SPECC1: variants seen among roughly 807,000 people sequenced by gnomAD.
SPECC1 encodes cytospin-B.
In SPECC1, 62 loss-of-function variants were observed where a neutral mutation model predicts 104.1. The observed-to-expected ratio is 0.60, with a 90% CI of 0.49 to 0.74. The LOEUF is 0.74. Ranked by LOEUF, SPECC1 falls within the 30% of genes least tolerant of loss-of-function variation. SPECC1 has a pLI of 0.00. For synonymous variants in SPECC1, 513 were observed against 501.6 expected, an observed-to-expected ratio of 1.02 and a Z score of -0.30; for missense variants, 1,306 against 1,310.5, an observed-to-expected ratio of 1.00 and a Z score of 0.05.
At chr17:20,202,152 C>A (rs1247491524) in intron 3 of SPECC1, among the ~76,000 whole-genome samples, 1 of 152,172 alleles carries the variant, frequency 6.6e-6, no homozygotes, top group Non-Finnish European at 1.5e-5. Flanking sequence ...ATTATAACTG[C>A]ATACAATTAA....
chr17:20,062,575 G>C (rs1454433681), intron 1 of SPECC1, among the ~76,000 whole-genome samples: 3 of 152,086 alleles, frequency 2.0e-5, no homozygotes, highest in Non-Finnish European at 4.4e-5. Flanking sequence ...ATGATGCCCA[G>C]GCTAGTTTCA....
At chr17:20,061,103 ACT>A (rs972982063) in intron 1 of SPECC1, among the ~76,000 whole-genome samples, 5 of 152,266 alleles carry the variant, frequency 3.3e-5, no homozygotes, top group African/African-American at 1.2e-4. Context: ...ACAGAGTCTC[ACT>A]CTGCCACCCA....
intron 3 of SPECC1, among the ~76,000 whole-genome samples, chr17:20,183,100 G>T (rs2035021128): frequency 6.6e-6 from 1 of 152,270 alleles, no homozygotes; most frequent in African/African-American, 2.4e-5. Context: ...TAGGTATAGG[G>T]TGATGAGCAA....
chr17:20,245,158 C>G lies in SPECC1; in HGVS notation c.2352-768C>G, dbSNP rs923665948. 6.6e-5 allele frequency among the ~76,000 whole-genome samples: 10 copies of G among 152,256 alleles called. No individual in the cohort carries two copies. In the East Asian group the frequency reaches 1.9e-3, roughly 29 times the overall value. ...TGGATTGCACTCTCGTTGGCTTAGG[C>G]AGAAAGGTGTTAAATGGTTTGCAGA... On this transcript the variant is annotated intron_variant, in intron 7 of 14. Transcript: ENST00000395527.
intron 3 of SPECC1, among the ~76,000 whole-genome samples, chr17:20,144,934 C>G (rs1446178345): frequency 2.0e-5 from 3 of 152,174 alleles, no homozygotes; most frequent in African/African-American, 7.2e-5. Context: ...TATCAGTCTT[C>G]TTTCATTTAG....
At chr17:20,161,325 C>T (rs1597849902) in intron 3 of SPECC1, among the ~76,000 whole-genome samples, 1 of 152,162 alleles carries the variant, frequency 6.6e-6, no homozygotes, top group African/African-American at 2.4e-5. Context: ...GGATGTAGTG[C>T]CCCTAAATGT....
At chr17:20,148,242 G>A (rs1294014839) in intron 3 of SPECC1, among the ~76,000 whole-genome samples, 1 of 152,012 alleles carries the variant, frequency 6.6e-6, no homozygotes, top group African/African-American at 2.4e-5. Context: ...AATTTTACTT[G>A]AAATTATTAT....
intron 5 of SPECC1, among the ~76,000 whole-genome samples, chr17:20,231,103 G>A (rs1413780579): frequency 2.0e-5 from 3 of 152,200 alleles, no homozygotes; most frequent in Admixed American, 6.5e-5. Flanking sequence ...AGAATTGGAG[G>A]CAAGGAGAAC....
intron 1 of SPECC1, chr17:20,010,335 A>G (rs2043898008): frequency 6.6e-6 from 1 of 152,160 alleles, no homozygotes; most frequent in East Asian, 1.9e-4. Flanking sequence ...ATCCACCAGC[A>G]ACTGTAGGAG....
At chr17:20,218,765 A>G (rs1277848965) in intron 4 of SPECC1, among the ~76,000 whole-genome samples, 1 of 152,166 alleles carries the variant, frequency 6.6e-6, no homozygotes, top group Non-Finnish European at 1.5e-5. Flanking sequence ...TTTATTAACT[A>G]TATTGTATCC....
rs755238100 is a variant in SPECC1 at position 20,204,704 on chromosome 17, C to T, written c.655C>T (p.Pro219Ser). Residue 219 changes from proline (P) to serine (S), a missense_variant, in exon 4 of 15, where the codon CCA becomes TCA. By Grantham distance (74) the Pro-to-Ser change is moderately conservative. This residue lies in a region of SPECC1 where 1,177 missense variants were observed against 1,139.9 expected (regional missense o/e 1.03). Coordinates refer to ENST00000395527, the MANE Select transcript of SPECC1 (RefSeq NM_001243439.2). ...GPNVDGTSVS[P>S]GDTEPMIRAL... is the part of the protein sequence containing the mutation. ...AAATGTCGATGGAACATCAGTCTCCCCAGGTGACACGGAACCTATGATAAG... is the reference window on the plus strand; with the variant it reads ...AAATGTCGATGGAACATCAGTCTCCTCAGGTGACACGGAACCTATGATAAG... 20 of 1,613,820 alleles carry T rather than the reference C, an allele frequency of 1.2e-5. No individual in the cohort carries two copies. The South Asian group carries it at 1.5e-4, about 12-fold the overall frequency.
intron 2 of SPECC1, among the ~76,000 whole-genome samples, chr17:20,108,908 C>T (rs536533592): frequency 4.6e-5 from 7 of 152,130 alleles, no homozygotes; most frequent in Non-Finnish European, 1.0e-4. Flanking sequence ...TTGTCCTACC[C>T]CTTTCATGAC....
chr17:20,309,514 T>C lies in SPECC1; in HGVS notation c.3117+3432T>C, dbSNP rs538322322. ...TGATCCTGTCACCCAGATAGGCACA[T>C]AGTAGCCGATAGTTTTTCAGCCCTT... On this transcript the variant is annotated intron_variant, in intron 14 of 14. Transcript: ENST00000395527. 3.3e-5 allele frequency among the ~76,000 whole-genome samples: 5 copies of C among 152,262 alleles called. No homozygotes were observed. The South Asian group carries it at 1.0e-3, about 32-fold the overall frequency.
chr17:20,029,782 G>A (rs1401711112), intron 1 of SPECC1, among the ~76,000 whole-genome samples: 9 of 152,082 alleles, frequency 5.9e-5, no homozygotes, highest in Non-Finnish European at 1.3e-4. Flanking sequence ...CTAGTAATTT[G>A]AGTCTTACCT....
intron 3 of SPECC1, among the ~76,000 whole-genome samples, chr17:20,158,787 G>A (rs572067982): frequency 7.9e-5 from 12 of 152,144 alleles, no homozygotes; most frequent in Non-Finnish European, 1.2e-4. Flanking sequence ...TTGAGACAAG[G>A]TCTGACTGTC....
At chr17:20,117,019 C>T (rs1449498231) in intron 3 of SPECC1, among the ~76,000 whole-genome samples, 1 of 151,794 alleles carries the variant, frequency 6.6e-6, no homozygotes, top group Non-Finnish European at 1.5e-5. Context: ...AAAATTCTGA[C>T]AATACTAATC....
chr17:20,169,863 G>T (rs1040045438), intron 3 of SPECC1, among the ~76,000 whole-genome samples: 1 of 152,028 alleles, frequency 6.6e-6, no homozygotes, highest in East Asian at 1.9e-4. Context: ...AATGTGTTGC[G>T]CCAATTTGCT....
intron 7 of SPECC1, among the ~76,000 whole-genome samples, chr17:20,243,926 T>A (rs1567978521): frequency 2.0e-5 from 3 of 152,026 alleles, no homozygotes; most frequent in Non-Finnish European, 4.4e-5. Context: ...AATGGACTGG[T>A]AAGAAGGTGG....
chr17:20,051,076 CTTT>C (rs2045734012), intron 1 of SPECC1, among the ~76,000 whole-genome samples: 8 of 57,110 alleles, frequency 1.4e-4, no homozygotes, highest in African/African-American at 5.0e-4. Flanking sequence ...CTTTTTCTTT[CTTT>C]CTTTCTTTCT....
Sources: allele counts gnomAD v4.1 joint callset (sites outside exome capture counted in the v4.1 genomes callset), GRCh38; gene constraint gnomAD v4.1.1; regional missense constraint gnomAD v4.1.1; transcripts MANE v1.5; gene names NCBI Gene and HGNC (gene_info 2026-07-23, HGNC 2026-07-21).